The following ACCSL variants were observed in gnomAD, a reference collection of about 807,000 sequenced individuals.
The protein encoded by ACCSL is 1-aminocyclopropane-1-carboxylate synthase homolog (inactive) like, also known as probable inactive 1-aminocyclopropane-1-carboxylate synthase-like protein 2.
Under a neutral mutation model 61.7 loss-of-function variants are expected in ACCSL, and 55 were observed. The ratio of observed to expected loss-of-function variants is 0.89; its 90% CI spans 0.72 to 1.12. The LOEUF (loss-of-function observed/expected upper bound fraction) is 1.12. Among genes scored for constraint, ACCSL ranks in the 50% most tolerant of loss-of-function variants. The pLI is 0.00. For missense variants in ACCSL, 632 were observed against 698.0 expected (o/e 0.91, Z 1.07); for synonymous variants, 258 against 264.3 (o/e 0.98, Z 0.23).
chr11:43,954,455 C>A, the ACCSL span, among the ~76,000 whole-genome samples: 1 of 152,152 alleles, frequency 6.6e-6, no homozygotes, highest in Non-Finnish European at 1.5e-5. Flanking sequence ...ATATAAGGCA[C>A]AAAAGATTGG....
the ACCSL span, among the ~76,000 whole-genome samples, chr11:43,973,185 T>C: frequency 6.6e-6 from 1 of 152,172 alleles, no homozygotes; most frequent in Non-Finnish European, 1.5e-5. Flanking sequence ...CTACATAACA[T>C]GACTTGGAAT....
chr11:44,013,306 G>A, the ACCSL span, among the ~76,000 whole-genome samples: 9 of 152,072 alleles, frequency 5.9e-5, no homozygotes, highest in Non-Finnish European at 1.5e-5. Flanking sequence ...ACAAGATCTT[G>A]CCCTGTCACC....
At chr11:43,943,040 C>A in the ACCSL span, 4 of 1,497,664 alleles carry the variant, frequency 2.7e-6, no homozygotes, top group South Asian at 5.1e-5. This position sits in a 1 kb window ranked among gnomAD's most constrained non-coding sequence, Gnocchi z 4.8. Flanking sequence ...GGGCCGGCTG[C>A]GGCGGCCGCG....
chr11:43,996,995 T>C, the ACCSL span, among the ~76,000 whole-genome samples: 3 of 151,964 alleles, frequency 2.0e-5, no homozygotes, highest in African/African-American at 4.8e-5. Context: ...TTATTTTTAG[T>C]AGAGACAGTT....
At chr11:43,939,319 C>G in the ACCSL span, among the ~76,000 whole-genome samples, 1 of 152,184 alleles carries the variant, frequency 6.6e-6, no homozygotes, top group East Asian at 1.9e-4. Context: ...TAAGCCAATG[C>G]CACATATTTG....
chr11:43,942,031 CGTGCGTGTGTGTGTGTGTGTGTGTGTGT>C, the ACCSL span, among the ~76,000 whole-genome samples: 11 of 114,544 alleles, frequency 9.6e-5, no homozygotes, highest in African/African-American at 3.4e-4. Flanking sequence ...TGTTTGCATT[CGTGCGTGTGTGTGTGTGTGTGTGTGTGT>C]GTGTGTGTGT....
rs765448925 is a variant in ACCSL, at chr11:44,058,278, A to G, written c.1328-39A>G. The G allele has an allele frequency of 3.1e-6, 5 of 1,607,214 alleles. 1 individual carries two copies. The highest frequency in any genetic ancestry group is 3.4e-6 in the Non-Finnish European group (4 of 1,174,398). On this transcript the variant is annotated intron_variant, in intron 11 of 13. Coordinates refer to ENST00000378832, the MANE Select transcript of ACCSL (RefSeq NM_001031854.2). ...GAAGGAACTCTCGGTAGATTTCTGT[A>G]GTAATATCTGTGACAGTGTTTTTCC...
At chr11:43,981,096 A>AAAACAAAC in the ACCSL span, among the ~76,000 whole-genome samples, 31,212 of 151,556 alleles carry the variant, frequency 0.21, 3,341 homozygotes, top group East Asian at 0.3. Flanking sequence ...ATGGGGCAGG[A>AAAACAAAC]AAACAAACAA....
the ACCSL span, among the ~76,000 whole-genome samples, chr11:43,997,820 G>GCTC: frequency 6.6e-6 from 1 of 152,226 alleles, no homozygotes; most frequent in South Asian, 2.1e-4. Context: ...GGATTCAGCA[G>GCTC]TGCTAGCAGC....
chr11:44,044,210 G>A (rs963193340), upstream of ACCSL, among the ~76,000 whole-genome samples: 3 of 152,140 alleles, frequency 2.0e-5, no homozygotes, highest in African/African-American at 7.2e-5. Flanking sequence ...TGGAGTTCAT[G>A]CAAGGACTGG....
chr11:43,925,481 G>C, the ACCSL span: 5 of 455,668 alleles, frequency 1.1e-5, no homozygotes, highest in East Asian at 6.9e-5. Context: ...AGGTAGCGTC[G>C]TCCTCCTGAA....
chr11:43,943,727 A>T, the ACCSL span: 2 of 1,304,250 alleles, frequency 1.5e-6, no homozygotes, highest in East Asian at 1.1e-4. This position sits in a 1 kb window ranked among gnomAD's most constrained non-coding sequence, Gnocchi z 4.8. Context: ...GGCCGTTGGG[A>T]CTTTGGGCGC....
At chr11:44,056,925 C>G (rs917178362) in intron 11 of ACCSL, among the ~76,000 whole-genome samples, 15 of 152,214 alleles carry the variant, frequency 9.9e-5, no homozygotes, top group Non-Finnish European at 2.2e-4. Context: ...TAATCGTACT[C>G]TAAGTTGTGA....
At chr11:43,956,454 C>G in the ACCSL span, among the ~76,000 whole-genome samples, 1 of 151,702 alleles carries the variant, frequency 6.6e-6, no homozygotes, top group African/African-American at 2.4e-5. Context: ...GAGTCTCGCT[C>G]TGTTGCCCAG....
rs370124191 is a variant in ACCSL, at chr11:44,051,466, C to T, written c.705+62C>T. 8.1e-5 allele frequency: 130 copies of T among 1,597,752 alleles called. 1 individual carries two copies. Among genetic ancestry groups the T allele is most frequent in the Non-Finnish European group, 9.9e-5 (115 of 1,165,478 alleles). On this transcript the variant is annotated intron_variant, in intron 4 of 13. Coordinates refer to ENST00000378832, the MANE Select transcript of ACCSL (RefSeq NM_001031854.2). ...GAGGGCTATATTCTTGGAGGATGCT[C>T]TGCCCTTTCTAGGGGGTACAAGGAG...
chr11:43,971,926 C>T, the ACCSL span, among the ~76,000 whole-genome samples: 1 of 152,208 alleles, frequency 6.6e-6, no homozygotes, highest in East Asian at 1.9e-4. Context: ...TTGACTTTCA[C>T]TATTGACCTT....
At chr11:44,039,866 C>T in the ACCSL span, among the ~76,000 whole-genome samples, 1 of 152,204 alleles carries the variant, frequency 6.6e-6, no homozygotes, top group Admixed American at 6.5e-5. Flanking sequence ...GCTAGCTGCC[C>T]AGGGCAAGCC....
At chr11:43,926,487 C>T in the ACCSL span, 2 of 455,894 alleles carry the variant, frequency 4.4e-6, no homozygotes, top group Non-Finnish European at 8.8e-6. Flanking sequence ...AACAAGATTA[C>T]CAGGCTGGAA....
chr11:44,025,754 A>AC, the ACCSL span, among the ~76,000 whole-genome samples: 1 of 104,060 alleles, frequency 9.6e-6, no homozygotes, highest in East Asian at 2.4e-4. Flanking sequence ...TCTCTCAGTT[A>AC]CAAAAAAAAT....
Sources: allele counts gnomAD v4.1 joint callset (sites outside exome capture counted in the v4.1 genomes callset), GRCh38; gene constraint gnomAD v4.1.1; non-coding constraint Gnocchi (gnomAD v3.1); transcripts MANE v1.5; gene names NCBI Gene and HGNC (gene_info 2026-07-23, HGNC 2026-07-21).